Variants in EXOC4 observed in about 807,000 individuals in gnomAD.
EXOC4 encodes the protein SEC8-like 1.
EXOC4 carries 71 observed loss-of-function variants against 107.2 expected under a neutral mutation model. The ratio of observed to expected loss-of-function variants is 0.66; its 90% CI spans 0.55 to 0.81. The LOEUF (loss-of-function observed/expected upper bound fraction) is 0.81, where lower values mean the gene tolerates loss of function less well. Ranked by LOEUF, EXOC4 falls within the 30% of genes least tolerant of loss-of-function variation. The pLI is 0.00. For missense variants in EXOC4, 1,108 were observed against 1,189.6 expected, an observed-to-expected ratio of 0.93 and a Z score of 1.01; for synonymous variants, 456 against 441.2, an observed-to-expected ratio of 1.03 and a Z score of -0.42.
In EXOC4 at chr7:133,466,136, TA is replaced by T. The variant is rs146985962; in HGVS notation, c.1183-9180del. Among the ~76,000 whole-genome samples, 327 of 135,600 alleles carry T rather than the reference TA, an allele frequency of 2.4e-3. 1 individual carries two copies. Among genetic ancestry groups the T allele is most frequent in the African/African-American group, 4.7e-3 (174 of 36,636 alleles). The allele number at this position is 135,600 out of a possible 152,430, so 89.0% of individuals were successfully genotyped here. Reference sequence around the variant, plus strand: ...TGGGCAACAAGAGTGAAATTCTGTCTAAAAAAAAAAAATGGAGAAAACTCAA... The same window carrying T: ...TGGGCAACAAGAGTGAAATTCTGTCTAAAAAAAAAAATGGAGAAAACTCAA... On this transcript the variant is annotated intron_variant, in intron 7 of 17. Coordinates refer to ENST00000253861, the MANE Select transcript of EXOC4 (RefSeq NM_021807.4).
chr7:133,674,621 GT>G (rs1476148421), intron 10 of EXOC4, among the ~76,000 whole-genome samples: 1 of 152,032 alleles, frequency 6.6e-6, no homozygotes, highest in Non-Finnish European at 1.5e-5. Flanking sequence ...TACAATGAAT[GT>G]TTTCTGCATA....
chr7:134,060,173 CT>C (rs921677284), intron 17 of EXOC4, among the ~76,000 whole-genome samples: 2 of 152,208 alleles, frequency 1.3e-5, no homozygotes, highest in African/African-American at 4.8e-5. Flanking sequence ...CACACCTCCT[CT>C]TCTCTGTCAC....
At chr7:133,528,412 A>G (rs1047034768) in intron 9 of EXOC4, among the ~76,000 whole-genome samples, 2 of 152,154 alleles carry the variant, frequency 1.3e-5, no homozygotes, top group Non-Finnish European at 2.9e-5. Flanking sequence ...AGTGATTGTG[A>G]TTTTTGAATT....
chr7:134,062,489 G>A (rs73448428), intron 17 of EXOC4, among the ~76,000 whole-genome samples: 3,198 of 152,162 alleles, frequency 0.021, 125 homozygotes, highest in African/African-American at 0.074. Flanking sequence ...ACAAATTCAC[G>A]GCCCTGAGTC....
chr7:134,041,723 T>C (rs1795523216), intron 17 of EXOC4, among the ~76,000 whole-genome samples: 1 of 152,194 alleles, frequency 6.6e-6, no homozygotes, highest in Non-Finnish European at 1.5e-5. Flanking sequence ...TAAAGTTCCA[T>C]TTGGAAAATG....
chr7:133,680,343 C>A (rs1794159453), intron 10 of EXOC4, among the ~76,000 whole-genome samples: 1 of 152,028 alleles, frequency 6.6e-6, no homozygotes, highest in African/African-American at 2.4e-5. Context: ...ATATAGTTAA[C>A]ACTTAAAAAT....
the EXOC4 span, among the ~76,000 whole-genome samples, chr7:134,087,388 G>A: frequency 6.6e-6 from 1 of 152,138 alleles, no homozygotes; most frequent in Non-Finnish European, 1.5e-5. Flanking sequence ...TAACTTTTGA[G>A]TTCCAACAAA....
chr7:133,358,011 A>G (rs1255167374), intron 6 of EXOC4, among the ~76,000 whole-genome samples: 3 of 152,088 alleles, frequency 2.0e-5, no homozygotes, highest in African/African-American at 7.2e-5. Flanking sequence ...AACATAGTGA[A>G]ACGCCAACTC....
intron 17 of EXOC4, among the ~76,000 whole-genome samples, chr7:134,026,337 C>A (rs1048278897): frequency 2.0e-5 from 3 of 151,612 alleles, no homozygotes; most frequent in Non-Finnish European, 4.4e-5. Context: ...CCAGAATCCA[C>A]GGAAGGACTC....
chr7:134,057,115 G>C (rs1190632537), intron 17 of EXOC4, among the ~76,000 whole-genome samples: 1 of 152,102 alleles, frequency 6.6e-6, no homozygotes, highest in East Asian at 1.9e-4. Context: ...TGCCATTTAA[G>C]GATAGTGCCA....
At chr7:133,749,945 G>GGT (rs1795756327) in intron 10 of EXOC4, among the ~76,000 whole-genome samples, 1 of 144,218 alleles carries the variant, frequency 6.9e-6, no homozygotes, top group African/African-American at 2.6e-5. Context: ...CTTCCTAAAG[G>GGT]TGGTTGGCAG....
chr7:133,898,333 C>T (rs936739230), intron 12 of EXOC4, among the ~76,000 whole-genome samples: 1 of 152,038 alleles, frequency 6.6e-6, no homozygotes, highest in African/African-American at 2.4e-5. Flanking sequence ...GGTTAATTGC[C>T]TGAGATTGGA....
At chr7:133,616,389 G>A (rs527393934) in intron 9 of EXOC4, among the ~76,000 whole-genome samples, 111 of 152,200 alleles carry the variant, frequency 7.3e-4, no homozygotes, top group African/African-American at 2.5e-3. Context: ...GCTGATTATA[G>A]ATTACTAAGT....
At chr7:134,046,470 A>C (rs980281460) in intron 17 of EXOC4, among the ~76,000 whole-genome samples, 1 of 145,902 alleles carries the variant, frequency 6.9e-6, no homozygotes. Flanking sequence ...ACTATGTCTT[A>C]AAAAAAAAAA....
chr7:133,558,334 G>A (rs959369874), intron 9 of EXOC4, among the ~76,000 whole-genome samples: 3 of 151,524 alleles, frequency 2.0e-5, no homozygotes, highest in Non-Finnish European at 4.4e-5. Flanking sequence ...ATCTAATAAA[G>A]TATCAGAATT....
intron 10 of EXOC4, among the ~76,000 whole-genome samples, chr7:133,803,503 G>A (rs1443008449): frequency 2.6e-5 from 4 of 152,102 alleles, no homozygotes; most frequent in South Asian, 2.1e-4. Flanking sequence ...TGAGTTTTAG[G>A]AATTTGTCAT....
chr7:133,920,201 A>G (rs1057358057), intron 13 of EXOC4, among the ~76,000 whole-genome samples: 7 of 152,158 alleles, frequency 4.6e-5, no homozygotes, highest in African/African-American at 1.7e-4. Context: ...TGTTTATTCA[A>G]ATCTTTTGCC....
chr7:133,496,820 T>G (rs915971363), intron 9 of EXOC4, among the ~76,000 whole-genome samples: 2 of 152,164 alleles, frequency 1.3e-5, no homozygotes, highest in Admixed American at 6.5e-5. Context: ...ACTGTCACTC[T>G]CGGGGTTAGT....
At chr7:134,021,638 C>T (rs1419904719) in intron 17 of EXOC4, among the ~76,000 whole-genome samples, 2 of 150,748 alleles carry the variant, frequency 1.3e-5, no homozygotes, top group East Asian at 3.9e-4. Context: ...GTGATGATTT[C>T]CATTGCCTGG....
Sources: gnomAD v4.1 joint callset for allele counts (sites outside exome capture counted in the v4.1 genomes callset) on GRCh38, gnomAD v4.1.1 for gene constraint, MANE v1.5 for transcripts, NCBI Gene and HGNC (gene_info 2026-07-23, HGNC 2026-07-21) for gene names.